Variants in PAPOLG observed in about 807,000 individuals in gnomAD.
PAPOLG encodes poly(A) polymerase gamma.
Under a neutral mutation model 99.0 loss-of-function variants are expected in PAPOLG, and 40 were observed. That is an observed-to-expected ratio of 0.40 (90% CI 0.31 to 0.53). The LOEUF is 0.53. Ranked by LOEUF, PAPOLG falls within the 20% of genes least tolerant of loss-of-function variation. The pLI, the probability that PAPOLG is intolerant of heterozygous loss-of-function variation, is 0.41. For missense variants in PAPOLG, 675 were observed against 884.1 expected, an observed-to-expected ratio of 0.76 and a Z score of 3.00; for synonymous variants, 310 against 299.3, an observed-to-expected ratio of 1.04 and a Z score of -0.37.
Position 60,794,695 on chromosome 2 carries a change from A to AT in PAPOLG, c.1990-14dup, listed in dbSNP as rs775913644. The stretch of plus-strand genomic sequence containing the variant: ...AGGTACATAATAGCAATCTATTTCA[A>AT]TGTTTATATTTTAGTTTATTCGACT... On this transcript the variant is annotated splice_polypyrimidine_tract_variant and intron_variant, in intron 19 of 21. Coordinates refer to ENST00000238714, the MANE Select transcript of PAPOLG (RefSeq NM_022894.4). 1 of 1,604,396 alleles carries AT rather than the reference A, an allele frequency of 6.2e-7. No individual in the cohort carries two copies. Among genetic ancestry groups the AT allele is most frequent in the Non-Finnish European group, 8.5e-7 (1 of 1,171,786 alleles).
At chr2:60,780,634 C>A in intron 9 of PAPOLG, 73 bp from the exon 10 acceptor site, 3 of 1,458,218 alleles carry the variant, frequency 2.1e-6, no homozygotes, top group South Asian at 2.3e-5. Flanking sequence ...TTAGAACAAT[C>A]TAATAATTAT....
chr2:60,756,288 A>G lies in PAPOLG; in HGVS notation c.-191A>G, dbSNP rs959146247. ...GCCATATTGGCGTCGGCCGCGCTGT[A>G]TTGTCATAAATAGAGCCGGTTTTGT... On this transcript the variant is annotated 5_prime_UTR_variant, in exon 1 of 22. Coordinates refer to ENST00000238714, the MANE Select transcript of PAPOLG (RefSeq NM_022894.4). The G allele has an allele frequency of 2.2e-5, 15 of 669,380 alleles. No homozygotes were observed. The highest frequency in any genetic ancestry group is 1.8e-4 in the East Asian group (6 of 32,988). 41.5% of individuals were successfully genotyped at this position (669,380 alleles called of 1,614,324 possible). A position where few individuals can be genotyped will look rare whatever the true frequency, so the allele number is the denominator to read the frequency against.
chr2:60,779,247 C>T (rs1003021383), intron 8 of PAPOLG, among the ~76,000 whole-genome samples: 1 of 152,134 alleles, frequency 6.6e-6, no homozygotes, highest in Non-Finnish European at 1.5e-5. Flanking sequence ...ATTCATTCTT[C>T]CCCATTGTCT....
At chr2:60,785,110 G>A (rs1025150872) in intron 13 of PAPOLG, among the ~76,000 whole-genome samples, 2 of 152,072 alleles carry the variant, frequency 1.3e-5, no homozygotes, top group Non-Finnish European at 2.9e-5. Context: ...TTAATAGGAT[G>A]TGATCCAAAT....
chr2:60,796,946 G>A (rs1054121417), intron 21 of PAPOLG, 116 bp from the exon 22 acceptor site: 5 of 1,300,870 alleles, frequency 3.8e-6, no homozygotes, highest in Non-Finnish European at 5.3e-6. Context: ...TGAGTGTTTA[G>A]GAGCTAGAGG....
At chr2:60,769,901 G>A (rs760985605) in intron 5 of PAPOLG, among the ~76,000 whole-genome samples, 4 of 152,008 alleles carry the variant, frequency 2.6e-5, no homozygotes, top group Non-Finnish European at 5.9e-5. Context: ...GGTATTTGTC[G>A]TAATGTTCTC....
chr2:60,777,088 G>A (rs931799840), intron 8 of PAPOLG, among the ~76,000 whole-genome samples: 3 of 152,112 alleles, frequency 2.0e-5, no homozygotes, highest in Non-Finnish European at 1.5e-5. Flanking sequence ...GAGAAGTTAG[G>A]GCTTTGCTCT....
chr2:60,756,518 TGGGGTGAGGCGGGTA>T (rs878931972), intron 1 of PAPOLG, 23 bp downstream of exon 1: 1 of 1,262,080 alleles, frequency 7.9e-7, no homozygotes, highest in Admixed American at 1.9e-5. Context: ...GGGCGGCGGT[TGGGGTGAGGCGGGTA>T]GGGGTGAGCT....
At position 60,799,556 on chromosome 2, in the gene PAPOLG, A is replaced by C. The variant is rs1369117503; in HGVS notation, c.*2396A>C. On this transcript the variant is annotated 3_prime_UTR_variant, in exon 22 of 22. Coordinates refer to ENST00000238714, the MANE Select transcript of PAPOLG (RefSeq NM_022894.4). ...ACTAGTTCCAAGTAAAAAAGGAGAAAGTATGATCTGGGATTTTGTGTTATG... is the reference window on the plus strand; with the variant it reads ...ACTAGTTCCAAGTAAAAAAGGAGAACGTATGATCTGGGATTTTGTGTTATG... 1 of 152,354 alleles carries C rather than the reference A, an allele frequency of 6.6e-6. No homozygotes were observed. Among genetic ancestry groups the C allele is most frequent in the Non-Finnish European group, 1.5e-5 (1 of 68,064 alleles). 9.4% of individuals were successfully genotyped at this position (152,354 alleles called of 1,614,324 possible).
intron 4 of PAPOLG, 27 bp from the exon 5 acceptor site, chr2:60,768,754 T>A: frequency 6.7e-7 from 1 of 1,503,572 alleles, no homozygotes; most frequent in Non-Finnish European, 9.0e-7. Flanking sequence ...TAATATATTC[T>A]TAATTAAGAA....
chr2:60,795,313 T>G (rs1671663479), intron 21 of PAPOLG: 1 of 533,410 alleles, frequency 1.9e-6, no homozygotes, highest in African/African-American at 1.9e-5. Flanking sequence ...CTCAGCACAT[T>G]AATTTCTTAC....
Position 60,761,726 on chromosome 2 carries a change from C to T in PAPOLG, c.180-15C>T. 6.3e-7 allele frequency: 1 copy of T among 1,584,336 alleles called. No individual in the cohort carries two copies. Among genetic ancestry groups the T allele is most frequent in the Non-Finnish European group, 8.6e-7 (1 of 1,156,826 alleles). ...TTTGTTTGTTTGTTTTAATCTGAAG[C>T]ATTTTTTTTTATAGGCTGGTGGTTC... On this transcript the variant is annotated splice_polypyrimidine_tract_variant and intron_variant, in intron 2 of 21. Transcript: ENST00000238714.
At chr2:60,773,025 A>G (rs1338828325) in intron 7 of PAPOLG, among the ~76,000 whole-genome samples, 1 of 151,966 alleles carries the variant, frequency 6.6e-6, no homozygotes, top group African/African-American at 2.4e-5. Flanking sequence ...TCTGGGTTCA[A>G]GCGATTCTCC....
At chr2:60,756,583 C>T in intron 1 of PAPOLG, 88 bp downstream of exon 1, 1 of 1,380,150 alleles carries the variant, frequency 7.2e-7, no homozygotes, top group Admixed American at 2.5e-5. Context: ...TTCCCTGTCC[C>T]TTGCGCCCTG....
rs1388799808 is a variant in PAPOLG at position 60,800,402 on chromosome 2, T to TG, written c.*3243dup. 3.9e-5 allele frequency: 6 copies of TG among 152,266 alleles called. No individual in the cohort carries two copies. The East Asian group carries it at 1.1e-3, about 29-fold the overall frequency. 9.4% of individuals were successfully genotyped at this position (152,266 alleles called of 1,614,324 possible). A position where few individuals can be genotyped will look rare whatever the true frequency, so the allele number is the denominator to read the frequency against. ...TTCACCATGTTGGCCAGGGTGGTCT[T>TG]GAACTCCTCACCTCAAGTGATCTGG... is the stretch of plus-strand genomic sequence containing the variant. On this transcript the variant is annotated 3_prime_UTR_variant, in exon 22 of 22. Transcript: ENST00000238714.
In PAPOLG at chr2:60,797,210, A is replaced by T; in HGVS notation, c.*50A>T. On this transcript the variant is annotated 3_prime_UTR_variant, in exon 22 of 22. Transcript: ENST00000238714. Reference sequence around the variant, plus strand: ...AACAAGCAATCATTTAGTGGCATAGATGCAGCCACTTGTTTTTTAAATAGA... The same window carrying T: ...AACAAGCAATCATTTAGTGGCATAGTTGCAGCCACTTGTTTTTTAAATAGA... The T allele has an allele frequency of 6.3e-7, 1 of 1,594,382 alleles. No individual in the cohort carries two copies. Among genetic ancestry groups the T allele is most frequent in the East Asian group, 2.2e-5 (1 of 44,736 alleles).
intron 3 of PAPOLG, among the ~76,000 whole-genome samples, chr2:60,762,729 T>G (rs772438283): frequency 1.1e-4 from 16 of 151,922 alleles, no homozygotes; most frequent in Non-Finnish European, 2.1e-4. Context: ...CAGATTCAAG[T>G]GATTCTCTTG....
rs1015399666 is a variant in PAPOLG at position 60,756,503 on chromosome 2, G to A, written c.17+8G>A. 1.2e-6 allele frequency: 2 copies of A among 1,602,782 alleles called. No individual in the cohort carries two copies. Among genetic ancestry groups the A allele is most frequent in the African/African-American group, 2.7e-5 (2 of 74,384 alleles). Reference sequence around the variant, plus strand: ...GATGAAAGAGATGTCTGCGTAAGTGGTGGGGGGCGGCGGTTGGGGTGAGGC... The same window carrying A: ...GATGAAAGAGATGTCTGCGTAAGTGATGGGGGGCGGCGGTTGGGGTGAGGC... On this transcript the variant is annotated splice_region_variant and intron_variant, in intron 1 of 21. Coordinates refer to ENST00000238714, the MANE Select transcript of PAPOLG (RefSeq NM_022894.4).
intron 13 of PAPOLG, among the ~76,000 whole-genome samples, chr2:60,785,345 G>A (rs1301773808): frequency 6.6e-6 from 1 of 152,050 alleles, no homozygotes; most frequent in Non-Finnish European, 1.5e-5. Context: ...CACCATGTTA[G>A]CCAGGATGGT....
Sources: gnomAD v4.1 joint callset for allele counts (sites outside exome capture counted in the v4.1 genomes callset) on GRCh38, gnomAD v4.1.1 for gene constraint, MANE v1.5 for transcripts, NCBI Gene and HGNC (gene_info 2026-07-23, HGNC 2026-07-21) for gene names.